Variants in FAM193A observed in about 807,000 individuals in gnomAD.
The protein encoded by FAM193A is family with sequence similarity 193 member A, also known as protein FAM193A.
In FAM193A, 22 loss-of-function variants were observed where a neutral mutation model predicts 126.5. The ratio of observed to expected loss-of-function variants is 0.17; its 90% confidence interval spans 0.12 to 0.25. FAM193A has a LOEUF of 0.25. FAM193A is among the 10% of genes least tolerant of loss of function. The probability of loss-of-function intolerance (pLI) is 1.00; values close to 1 mark genes in which losing one functional copy is unlikely to be tolerated. For synonymous variants in FAM193A, 761 were observed against 646.8 expected, an observed-to-expected ratio of 1.18 and a Z score of -2.68; for missense variants, 1,675 against 1,672.8, an observed-to-expected ratio of 1.00 and a Z score of -0.02.
chr4:2,540,295 C>G (rs375832634), intron 1 of FAM193A, among the ~76,000 whole-genome samples: 2 of 152,120 alleles, frequency 1.3e-5, no homozygotes, highest in South Asian at 2.1e-4. Flanking sequence ...CAGTGAAACC[C>G]GTCTCTAGTA....
chr4:2,634,258 A>G (rs1453346139), intron 5 of FAM193A, among the ~76,000 whole-genome samples: 1 of 152,148 alleles, frequency 6.6e-6, no homozygotes, highest in Non-Finnish European at 1.5e-5. Flanking sequence ...GAGTGTGAAT[A>G]AATGTTGGTG....
chr4:2,595,383 C>T (rs1234535619), intron 1 of FAM193A, among the ~76,000 whole-genome samples: 1 of 152,182 alleles, frequency 6.6e-6, no homozygotes, highest in Non-Finnish European at 1.5e-5. Context: ...GTTTTAAAGG[C>T]TAATTTTATT....
intron 5 of FAM193A, among the ~76,000 whole-genome samples, chr4:2,633,919 T>C (rs748449891): frequency 3.3e-5 from 5 of 152,000 alleles, no homozygotes; most frequent in Non-Finnish European, 7.4e-5. Flanking sequence ...TCTTTTAAAG[T>C]GTATGGCTGA....
At chr4:2,656,264 G>A (rs768887636) in intron 7 of FAM193A, among the ~76,000 whole-genome samples, 10 of 152,182 alleles carry the variant, frequency 6.6e-5, no homozygotes, top group Non-Finnish European at 1.3e-4. Flanking sequence ...AGAACCTACC[G>A]TAAAACTTTG....
At chr4:2,626,922 A>T (rs1164051577) in intron 4 of FAM193A, among the ~76,000 whole-genome samples, 1 of 152,088 alleles carries the variant, frequency 6.6e-6, no homozygotes, top group Non-Finnish European at 1.5e-5. Context: ...GCCTTTATCA[A>T]CCCAAGGAGA....
chr4:2,660,072 A>G lies in FAM193A; in HGVS notation c.1745+18A>G. 3.1e-6 allele frequency: 5 copies of G among 1,610,052 alleles called. No homozygotes were observed. Among genetic ancestry groups the G allele is most frequent in the Non-Finnish European group, 4.2e-6 (5 of 1,176,904 alleles). ...CCAACTTTGTAAGTTGTGACTTTGTAATAAAGTTTCCGAAATTTAAGTCGC... is the reference window on the plus strand; with the variant it reads ...CCAACTTTGTAAGTTGTGACTTTGTGATAAAGTTTCCGAAATTTAAGTCGC... On this transcript the variant is annotated intron_variant, in intron 10 of 20. Transcript: ENST00000637812.
chr4:2,678,305 C>A (rs983330940), intron 13 of FAM193A, among the ~76,000 whole-genome samples: 1 of 149,652 alleles, frequency 6.7e-6, no homozygotes, highest in African/African-American at 2.4e-5. Context: ...TTTTATGATA[C>A]AACTCTTCCA....
At chr4:2,585,398 A>G (rs1332828048) in intron 1 of FAM193A, among the ~76,000 whole-genome samples, 1 of 151,880 alleles carries the variant, frequency 6.6e-6, no homozygotes, top group African/African-American at 2.4e-5. Flanking sequence ...TTTTGTCCTA[A>G]TTTTTTGTTT....
intron 16 of FAM193A, among the ~76,000 whole-genome samples, chr4:2,694,154 TA>T (rs1347842781): frequency 6.6e-6 from 1 of 152,240 alleles, no homozygotes; most frequent in Non-Finnish European, 1.5e-5. Flanking sequence ...CATTGTTTTT[TA>T]CTCATTGTAT....
chr4:2,731,339 C>T lies in FAM193A; in HGVS notation c.4455-436C>T, dbSNP rs1229953668. ...GCCGAAACTGCCACTGAACTCCAGC[C>T]TGGGCAAGAGAGTGAGACCCTGTCT... is the stretch of plus-strand genomic sequence containing the variant. On this transcript the variant is annotated intron_variant, in intron 20 of 20. Transcript: ENST00000637812. 2.0e-5 allele frequency among the ~76,000 whole-genome samples: 3 copies of T among 151,660 alleles called. No homozygotes were observed. In the East Asian group the frequency reaches 5.8e-4, roughly 29 times the overall value.
chr4:2,710,177 C>CTTTTTTTTTTTTTTTTTTTTTTT (rs1300302935), intron 19 of FAM193A, among the ~76,000 whole-genome samples: 1 of 73,854 alleles, frequency 1.4e-5, no homozygotes, highest in Non-Finnish European at 2.5e-5. Flanking sequence ...TTTTTTTTTT[C>CTTTTTTTTTTTTTTTTTTTTTTT]TTTTTTTTTT....
At chr4:2,584,244 A>G (rs1427828949) in intron 1 of FAM193A, among the ~76,000 whole-genome samples, 3 of 152,008 alleles carry the variant, frequency 2.0e-5, no homozygotes, top group Non-Finnish European at 4.4e-5. Flanking sequence ...TTTGTCCTTT[A>G]ACAATGTTCT....
chr4:2,703,956 A>C, intron 19 of FAM193A, among the ~76,000 whole-genome samples: 1 of 148,612 alleles, frequency 6.7e-6, no homozygotes, highest in East Asian at 2.0e-4. Context: ...TGGGTGACAG[A>C]GTGAGACCCT....
intron 2 of FAM193A, among the ~76,000 whole-genome samples, chr4:2,599,811 A>G (rs1314470004): frequency 6.7e-6 from 1 of 150,272 alleles, no homozygotes; most frequent in African/African-American, 2.5e-5. Context: ...ATCTCAGCTC[A>G]CTACAACCTC....
chr4:2,619,373 G>C (rs1742400904), intron 2 of FAM193A, among the ~76,000 whole-genome samples: 1 of 149,914 alleles, frequency 6.7e-6, no homozygotes, highest in Admixed American at 6.6e-5. Context: ...TGTAATCTCG[G>C]CTCACTGCAA....
At chr4:2,711,695 T>C (rs1045221453) in intron 19 of FAM193A, among the ~76,000 whole-genome samples, 25 of 150,400 alleles carry the variant, frequency 1.7e-4, no homozygotes, top group African/African-American at 5.8e-4. Context: ...ATGCCTGTAA[T>C]CCCAGCACTT....
At chr4:2,574,545 A>G (rs1158467756) in intron 1 of FAM193A, among the ~76,000 whole-genome samples, 1 of 152,124 alleles carries the variant, frequency 6.6e-6, no homozygotes, top group Non-Finnish European at 1.5e-5. Context: ...GTGTGTATTG[A>G]CGGTCATGGA....
rs536450984 is a variant in FAM193A at position 2,698,636 on chromosome 4, G to A, written c.3508-1044G>A. ...GGAGTACTTTTCTATTTCTCTAGGAGAAATGCTTTTGGCAGAGTTTCTCAT... is the reference window on the plus strand; with the variant it reads ...GGAGTACTTTTCTATTTCTCTAGGAAAAATGCTTTTGGCAGAGTTTCTCAT... On this transcript the variant is annotated intron_variant, in intron 18 of 20. Transcript: ENST00000637812. Among the ~76,000 whole-genome samples the A allele has an allele frequency of 3.3e-5, 5 of 152,186 alleles. No homozygotes were observed. The East Asian group carries it at 9.6e-4, about 29-fold the overall frequency.
intron 1 of FAM193A, among the ~76,000 whole-genome samples, chr4:2,580,531 G>T (rs1739860160): frequency 6.6e-6 from 1 of 152,178 alleles, no homozygotes; most frequent in Non-Finnish European, 1.5e-5. Flanking sequence ...GCTAGGGTCT[G>T]CTGGGAAGTG....
Sources: allele counts gnomAD v4.1 joint callset (sites outside exome capture counted in the v4.1 genomes callset), GRCh38; gene constraint gnomAD v4.1.1; transcripts MANE v1.5; gene names NCBI Gene and HGNC (gene_info 2026-07-23, HGNC 2026-07-21).